Variants in SP140L observed in about 807,000 individuals in gnomAD.
SP140L encodes SP140 like nuclear body protein, also known as nuclear body protein SP140-like protein.
In SP140L, 64 loss-of-function variants were observed where a neutral mutation model predicts 84.3. The ratio of observed to expected loss-of-function variants is 0.76; its 90% CI spans 0.62 to 0.94. SP140L has a LOEUF of 0.94. Among genes scored for constraint, SP140L ranks in the 40% least tolerant of loss-of-function variants. SP140L has a pLI of 0.00. For synonymous variants in SP140L, 242 were observed against 236.9 expected, an observed-to-expected ratio of 1.02 and a Z score of -0.20; for missense variants, 628 against 692.5, an observed-to-expected ratio of 0.91 and a Z score of 1.05.
chr2:230,388,011 C>T (rs1029664896), intron 9 of SP140L, among the ~76,000 whole-genome samples: 1 of 152,160 alleles, frequency 6.6e-6, no homozygotes, highest in African/African-American at 2.4e-5. Flanking sequence ...TATGGAGCAC[C>T]TAATAGGGTT....
chr2:230,380,577 A>G (rs2061371434), intron 7 of SP140L, among the ~76,000 whole-genome samples: 1 of 152,188 alleles, frequency 6.6e-6, no homozygotes, highest in Non-Finnish European at 1.5e-5. Flanking sequence ...CGAAATCTTT[A>G]TCAAGATACA....
At chr2:230,382,385 G>C (rs1008939178) in intron 7 of SP140L, among the ~76,000 whole-genome samples, 6 of 152,136 alleles carry the variant, frequency 3.9e-5, no homozygotes, top group Non-Finnish European at 8.8e-5. Context: ...CAATGCTCCT[G>C]CTTCCTCCAT....
In SP140L at chr2:230,381,112, C is replaced by T. The variant is rs115809060; in HGVS notation, c.638-2398C>T. On this transcript the variant is annotated intron_variant, in intron 7 of 18. Transcript: ENST00000415673. The stretch of plus-strand genomic sequence containing the variant: ...AAGTGTGTGCTGCAGTGGAGGAATG[C>T]TTCACTGAGGAAACCCATGGGGTTT... Among the ~76,000 whole-genome samples the T allele has an allele frequency of 3.7e-3, 543 of 147,246 alleles. 6 individuals are homozygous for T. The highest frequency in any genetic ancestry group is 0.013 in the African/African-American group (523 of 40,218).
intron 15 of SP140L, chr2:230,400,593 C>T: frequency 6.1e-6 from 3 of 489,528 alleles, no homozygotes; most frequent in Non-Finnish European, 1.1e-5. Flanking sequence ...TCATACAAGA[C>T]AGGAAGCACG....
chr2:230,335,847 A>G (rs966303306), intron 2 of SP140L, among the ~76,000 whole-genome samples: 15 of 152,202 alleles, frequency 9.9e-5, no homozygotes, highest in African/African-American at 3.6e-4. Context: ...TGGTGTTACC[A>G]GTGGGCTGGT....
intron 3 of SP140L, 46 bp downstream of exon 3, chr2:230,358,013 T>A (rs2060601973): frequency 6.2e-7 from 1 of 1,600,056 alleles, no homozygotes. Flanking sequence ...CTTTCATATT[T>A]TACAAGTATT....
intron 10 of SP140L, 45 bp from the exon 11 acceptor site, chr2:230,389,874 G>A (rs748220620): frequency 6.3e-7 from 1 of 1,577,690 alleles, no homozygotes; most frequent in Non-Finnish European, 8.7e-7. Flanking sequence ...AAGGGGGGAT[G>A]TGCCTTTGCA....
chr2:230,372,238 A>G (rs2061099443), intron 7 of SP140L: 1 of 154,104 alleles, frequency 6.5e-6, no homozygotes, highest in Admixed American at 6.5e-5. Context: ...GCAGCAATTA[A>G]GAGTAATACG....
rs746313056 is a variant in SP140L, at chr2:230,370,897, G to C, written c.524-11G>C. The C allele has an allele frequency of 6.2e-7, 1 of 1,612,950 alleles. No individual in the cohort carries two copies. ...AAAATGAGAAGTGTTCCTATGTCAT[G>C]TGTTTCTCAGGAGAAGTGCCAGAAA... On this transcript the variant is annotated splice_polypyrimidine_tract_variant and intron_variant, in intron 5 of 18. Transcript: ENST00000415673.
chr2:230,389,890 A>G (rs778353953), intron 10 of SP140L, 29 bp from the exon 11 acceptor site: 1 of 1,609,146 alleles, frequency 6.2e-7, no homozygotes, highest in Non-Finnish European at 8.5e-7. Flanking sequence ...TTGCAAAGTG[A>G]GACAGAATGA....
At chr2:230,393,376 G>T in intron 12 of SP140L, 38 bp from the exon 13 acceptor site, 1 of 1,559,166 alleles carries the variant, frequency 6.4e-7, no homozygotes, top group Non-Finnish European at 8.7e-7. Flanking sequence ...AAACAGAAAC[G>T]CAGGCTGACT....
At chr2:230,337,265 T>C (rs2059906669) in intron 2 of SP140L, among the ~76,000 whole-genome samples, 1 of 152,154 alleles carries the variant, frequency 6.6e-6, no homozygotes, top group African/African-American at 2.4e-5. Flanking sequence ...CATTTTTTCA[T>C]GTGTCTTTTG....
intron 1 of SP140L, among the ~76,000 whole-genome samples, chr2:230,327,723 T>C (rs2059618769): frequency 6.6e-6 from 1 of 152,230 alleles, no homozygotes; most frequent in Non-Finnish European, 1.5e-5. Context: ...ACATATGTCA[T>C]GTCAAAGAAG....
chr2:230,356,440 C>T (rs1035473373), intron 2 of SP140L, among the ~76,000 whole-genome samples: 2 of 152,132 alleles, frequency 1.3e-5, no homozygotes, highest in African/African-American at 4.8e-5. Context: ...AACTGTTCAA[C>T]ACAGCAACAT....
chr2:230,373,258 A>C (rs537966239), intron 7 of SP140L, among the ~76,000 whole-genome samples: 116 of 152,348 alleles, frequency 7.6e-4, no homozygotes, highest in African/African-American at 2.7e-3. Context: ...AACACTAAAC[A>C]ACAGATTTAC....
At chr2:230,384,111 TAGTC>T (rs2061492659) in intron 8 of SP140L, among the ~76,000 whole-genome samples, 1 of 152,166 alleles carries the variant, frequency 6.6e-6, no homozygotes, top group Admixed American at 6.5e-5. Flanking sequence ...TGGTTACATT[TAGTC>T]AGTATAATAG....
chr2:230,371,708 A>G, intron 7 of SP140L, 57 bp downstream of exon 7: 1 of 1,424,472 alleles, frequency 7.0e-7, no homozygotes, highest in South Asian at 1.2e-5. Context: ...TTTTAATGCC[A>G]GAGTTTTCTT....
At chr2:230,362,791 A>G (rs578018076) in intron 5 of SP140L, among the ~76,000 whole-genome samples, 14 of 152,302 alleles carry the variant, frequency 9.2e-5, no homozygotes, top group African/African-American at 3.1e-4. Context: ...TCTAAGCCAG[A>G]GCCTTGTTCT....
intron 2 of SP140L, among the ~76,000 whole-genome samples, chr2:230,341,187 A>G (rs1398296964): frequency 1.5e-5 from 2 of 137,294 alleles, no homozygotes. Flanking sequence ...GGCTTTGCTC[A>G]TTTCTTTTTA....
Sources: allele counts gnomAD v4.1 joint callset (sites outside exome capture counted in the v4.1 genomes callset), GRCh38; gene constraint gnomAD v4.1.1; transcripts MANE v1.5; gene names NCBI Gene and HGNC (gene_info 2026-07-23, HGNC 2026-07-21).